THSD7B: variants seen among roughly 807,000 people sequenced by gnomAD.
The protein encoded by THSD7B is thrombospondin type-1 domain-containing protein 7B.
THSD7B carries 138 observed loss-of-function variants against 213.6 expected under a neutral mutation model. The observed-to-expected ratio is 0.65, with a 90% CI of 0.56 to 0.74. THSD7B has a LOEUF of 0.74. THSD7B is among the 30% of genes least tolerant of loss of function. The pLI is 0.00. For missense variants in THSD7B, 1,931 were observed against 1,991.5 expected (o/e 0.97, Z 0.58); for synonymous variants, 742 against 687.0 (o/e 1.08, Z -1.25).
chr2:137,348,703 C>CTTTTTTTTTTTTTTTTTT (rs80150345), intron 12 of THSD7B, among the ~76,000 whole-genome samples: 6 of 110,910 alleles, frequency 5.4e-5, no homozygotes, highest in Non-Finnish European at 7.3e-5. Context: ...CTATGAACTC[C>CTTTTTTTTTTTTTTTTTT]TTTTTTTTTT....
At chr2:137,132,881 A>C (rs1024690532) in intron 5 of THSD7B, among the ~76,000 whole-genome samples, 1 of 152,194 alleles carries the variant, frequency 6.6e-6, no homozygotes. Context: ...TACAGACTAC[A>C]TGAAATTTAC....
chr2:137,330,182 G>T (rs891174444), intron 12 of THSD7B, among the ~76,000 whole-genome samples: 1 of 152,204 alleles, frequency 6.6e-6, no homozygotes. Flanking sequence ...GAAGTTTTCT[G>T]CAGGGGTAGA....
intron 2 of THSD7B, among the ~76,000 whole-genome samples, chr2:137,052,256 A>G (rs1687082579): frequency 6.6e-6 from 1 of 152,164 alleles, no homozygotes; most frequent in Non-Finnish European, 1.5e-5. Context: ...TTGCAGATAT[A>G]TGACTCTTTA....
intron 20 of THSD7B, among the ~76,000 whole-genome samples, chr2:137,628,813 C>A (rs1450585233): frequency 6.6e-6 from 1 of 152,190 alleles, no homozygotes; most frequent in South Asian, 2.1e-4. Flanking sequence ...CCTTGTACTG[C>A]CCCACTGTCT....
chr2:137,424,402 G>A (rs1026801484), intron 14 of THSD7B, among the ~76,000 whole-genome samples: 2 of 151,998 alleles, frequency 1.3e-5, no homozygotes, highest in Non-Finnish European at 2.9e-5. Flanking sequence ...ACCAAAGCCA[G>A]AAAAGGACGA....
rs143099309 is a variant in THSD7B at position 137,275,903 on chromosome 2, A to G, written c.2397-20A>G. ...TTGATCACAGTAAAGTTTCTAGTCC[A>G]TCGTTTTTGGTAATCACAGGTGGAA... On this transcript the variant is annotated intron_variant, in intron 11 of 27. Coordinates refer to ENST00000409968, the MANE Select transcript of THSD7B (RefSeq NM_001316349.2). 1,144 of 1,591,072 alleles carry G rather than the reference A, an allele frequency of 7.2e-4. 2 individuals are homozygous for G. Among genetic ancestry groups the G allele is most frequent in the Admixed American group, 6.5e-3 (372 of 57,548 alleles).
chr2:137,433,132 T>TG (rs1461740071), intron 14 of THSD7B, among the ~76,000 whole-genome samples: 16 of 152,248 alleles, frequency 1.1e-4, no homozygotes, highest in Admixed American at 2.0e-4. Context: ...TAATTTCAAA[T>TG]AGCCCTAAGT....
chr2:137,351,972 G>A (rs1474674874), intron 12 of THSD7B, among the ~76,000 whole-genome samples: 1 of 151,698 alleles, frequency 6.6e-6, no homozygotes, highest in African/African-American at 2.4e-5. Flanking sequence ...ATTTTTTTTA[G>A]CTTATCAGCT....
At chr2:136,990,981 A>T (rs759537602) in intron 2 of THSD7B, 2 of 1,300,936 alleles carry the variant, frequency 1.5e-6, no homozygotes, top group Non-Finnish European at 2.0e-6. Context: ...CAAAACTATC[A>T]CATCGTCTCT....
At chr2:136,936,347 T>C (rs552971254) in intron 2 of THSD7B, among the ~76,000 whole-genome samples, 1 of 152,190 alleles carries the variant, frequency 6.6e-6, no homozygotes, top group East Asian at 1.9e-4. Flanking sequence ...AAGAAGTCAT[T>C]ATACGGAAAA....
At chr2:137,059,611 G>A (rs1393229734) in intron 3 of THSD7B, among the ~76,000 whole-genome samples, 2 of 152,168 alleles carry the variant, frequency 1.3e-5, no homozygotes, top group East Asian at 1.9e-4. Flanking sequence ...TTTAAAAAAT[G>A]TTATATAGTT....
chr2:137,012,361 A>G (rs1173477056), intron 2 of THSD7B, among the ~76,000 whole-genome samples: 2 of 152,200 alleles, frequency 1.3e-5, no homozygotes, highest in East Asian at 1.9e-4. Context: ...TCCTTATGCA[A>G]AAGATGGTTA....
chr2:137,107,684 C>T (rs1318653273), intron 4 of THSD7B, among the ~76,000 whole-genome samples: 3 of 152,132 alleles, frequency 2.0e-5, no homozygotes, highest in Admixed American at 1.3e-4. Context: ...TATTATTTCA[C>T]GAGTCCCTAT....
intron 2 of THSD7B, among the ~76,000 whole-genome samples, chr2:136,928,632 G>C (rs1215707940): frequency 6.6e-6 from 1 of 151,998 alleles, no homozygotes; most frequent in Non-Finnish European, 1.5e-5. Flanking sequence ...AAAAATAACT[G>C]TATTTTACAT....
intron 7 of THSD7B, among the ~76,000 whole-genome samples, chr2:137,194,166 A>G (rs1680714136): frequency 6.6e-6 from 1 of 152,222 alleles, no homozygotes. Flanking sequence ...CCCATCTTCC[A>G]ATAACATTAA....
At chr2:137,204,545 G>A (rs1205526478) in intron 7 of THSD7B, among the ~76,000 whole-genome samples, 1 of 152,098 alleles carries the variant, frequency 6.6e-6, no homozygotes, top group Non-Finnish European at 1.5e-5. Flanking sequence ...TTCACATTCA[G>A]TAGTTGATTA....
intron 17 of THSD7B, among the ~76,000 whole-genome samples, chr2:137,594,465 GC>G (rs1228816646): frequency 6.6e-6 from 1 of 151,878 alleles, no homozygotes; most frequent in African/African-American, 2.4e-5. Flanking sequence ...AAGATTAATG[GC>G]CCCCACTTCT....
chr2:137,647,960 T>C lies in THSD7B; in HGVS notation c.3945+5327T>C, dbSNP rs574946357. On this transcript the variant is annotated intron_variant, in intron 21 of 27. Coordinates refer to ENST00000409968, the MANE Select transcript of THSD7B (RefSeq NM_001316349.2). ...GCCTTGGACTCTGTTTTCTAGAATATCTACATGAAAACAGAGCTATCAACT... is the reference window on the plus strand; with the variant it reads ...GCCTTGGACTCTGTTTTCTAGAATACCTACATGAAAACAGAGCTATCAACT... Among the ~76,000 whole-genome samples the C allele has an allele frequency of 7.9e-5, 12 of 152,328 alleles. 1 individual carries two copies. In the South Asian group the frequency reaches 2.5e-3, roughly 32 times the overall value.
In THSD7B at chr2:137,232,944, T is replaced by G; in HGVS notation, c.1961T>G (p.Leu654Trp). Residue 654 changes from leucine to tryptophan, a missense_variant, in exon 9 of 28, where the codon TTG becomes TGG. Coordinates refer to ENST00000409968, the MANE Select transcript of THSD7B (RefSeq NM_001316349.2). ...PPSQALQEHR[L>W]CNDHSCMQLH... ...AGTCAGGCTCTCCAAGAGCATCGTTTGTGTAATGACCATTCCTGTATGCAG... is the reference window on the plus strand; with the variant it reads ...AGTCAGGCTCTCCAAGAGCATCGTTGGTGTAATGACCATTCCTGTATGCAG... 18 of 1,613,970 alleles carry G rather than the reference T, an allele frequency of 1.1e-5. No homozygotes were observed. The highest frequency in any genetic ancestry group is 1.5e-5 in the Non-Finnish European group (18 of 1,179,838).
Sources: allele counts gnomAD v4.1 joint callset (sites outside exome capture counted in the v4.1 genomes callset), GRCh38; gene constraint gnomAD v4.1.1; transcripts MANE v1.5; gene names NCBI Gene and HGNC (gene_info 2026-07-23, HGNC 2026-07-21).